Variants in ANKRD36C observed in about 807,000 individuals in gnomAD.
ANKRD36C encodes the protein ankyrin repeat domain-containing protein 36C.
ANKRD36C carries 61 observed loss-of-function variants against 276.4 expected under a neutral mutation model. That is an observed-to-expected ratio of 0.22 (90% CI 0.18 to 0.27). The LOEUF (loss-of-function observed/expected upper bound fraction) is 0.27. ANKRD36C is among the 10% of genes least tolerant of loss of function. The pLI, the probability that ANKRD36C is intolerant of heterozygous loss-of-function variation, is 1.00. For synonymous variants in ANKRD36C, 483 were observed against 680.1 expected (o/e 0.71, Z 4.51); for missense variants, 1,447 against 2,032.3 (o/e 0.71, Z 5.54).
intron 6 of ANKRD36C, among the ~76,000 whole-genome samples, chr2:95,975,935 AAAAC>A (rs1468076664): frequency 2.0e-5 from 3 of 152,206 alleles, no homozygotes; most frequent in South Asian, 2.1e-4. Context: ...TTACAAGAAA[AAAAC>A]AAACAACCCC....
chr2:95,952,672 A>G (rs1289887995), intron 14 of ANKRD36C, among the ~76,000 whole-genome samples: 22 of 2,372 alleles, frequency 9.3e-3, no homozygotes, highest in African/African-American at 0.017. Flanking sequence ...TCTCAACATA[A>G]CTCACCTCAA....
At chr2:95,903,191 G>A in intron 42 of ANKRD36C, 110 bp from the exon 53 acceptor site, 5 of 1,484,798 alleles carry the variant, frequency 3.4e-6, no homozygotes, top group Non-Finnish European at 4.6e-6. Context: ...TATTAGCGTA[G>A]GCTTTGATGG....
At chr2:95,901,273 C>T (rs1380599768) in intron 42 of ANKRD36C, 67 bp from the exon 55 acceptor site, 4 of 150,046 alleles carry the variant, frequency 2.7e-5, no homozygotes, top group South Asian at 1.4e-4. Context: ...TACATTCACA[C>T]GGTGTTAGCA....
intron 36 of ANKRD36C, among the ~76,000 whole-genome samples, chr2:95,916,849 A>G (rs1677112710): frequency 6.6e-6 from 1 of 151,690 alleles, no homozygotes; most frequent in East Asian, 2.0e-4. Flanking sequence ...ATAATATTTT[A>G]GACTCGATAA....
intron 34 of ANKRD36C, among the ~76,000 whole-genome samples, chr2:95,918,420 C>T (rs537999526): frequency 6.6e-6 from 1 of 151,626 alleles, no homozygotes; most frequent in East Asian, 2.0e-4. Flanking sequence ...GTCTTTCATG[C>T]AGGAAATCAA....
intron 12 of ANKRD36C, among the ~76,000 whole-genome samples, chr2:95,957,029 A>C (rs1678343661): frequency 6.6e-6 from 1 of 151,992 alleles, no homozygotes; most frequent in Middle Eastern, 3.2e-3. Context: ...AAAAAAAATC[A>C]TGTAGGCAGG....
intron 34 of ANKRD36C, 117 bp downstream of exon 34, chr2:95,921,490 A>T (rs1677266288): frequency 7.2e-7 from 1 of 1,388,458 alleles, no homozygotes; most frequent in Non-Finnish European, 9.8e-7. Flanking sequence ...GGCCTACTGA[A>T]TCAGAATGTG....
chr2:95,902,832 G>T, intron 42 of ANKRD36C, 54 bp downstream of exon 54: 2 of 1,508,076 alleles, frequency 1.3e-6, no homozygotes, highest in East Asian at 2.5e-5. Flanking sequence ...TCACGGAAGA[G>T]AATTTCTTAT....
At chr2:95,897,999 A>C (rs531348192) in intron 44 of ANKRD36C, among the ~76,000 whole-genome samples, 3 of 147,640 alleles carry the variant, frequency 2.0e-5, no homozygotes, top group Admixed American at 2.0e-4. Flanking sequence ...ATCACCTTGG[A>C]TATCTGTTTG....
intron 42 of ANKRD36C, among the ~76,000 whole-genome samples, 183 bp from the exon 47 acceptor site, chr2:95,908,880 C>A (rs1435522570): frequency 6.6e-6 from 1 of 151,288 alleles, no homozygotes; most frequent in African/African-American, 2.4e-5. Flanking sequence ...GGAATACAGG[C>A]TCCACGAAAT....
At chr2:95,859,979 T>G in exon 61 of ANKRD36C, 1 of 1,549,466 alleles carries the variant, frequency 6.5e-7, no homozygotes, top group Non-Finnish European at 8.7e-7. Context: ...AGTTTTCGAA[T>G]TTTTACTCTA....
chr2:95,981,370 A>T (rs1164977111), intron 4 of ANKRD36C, among the ~76,000 whole-genome samples: 1 of 148,160 alleles, frequency 6.7e-6, no homozygotes, highest in African/African-American at 2.5e-5. Context: ...TATTATATAT[A>T]ATCTATAAAA....
intron 17 of ANKRD36C, among the ~76,000 whole-genome samples, chr2:95,947,767 T>C (rs201162231): frequency 2.6e-5 from 4 of 152,142 alleles, no homozygotes; most frequent in African/African-American, 9.6e-5. Context: ...GAAAACACAG[T>C]GTAAGCCCTC....
At chr2:95,890,473 C>T (rs915840937) in intron 46 of ANKRD36C, among the ~76,000 whole-genome samples, 2 of 151,472 alleles carry the variant, frequency 1.3e-5, no homozygotes, top group African/African-American at 2.4e-5. Flanking sequence ...TTCAGTTGAA[C>T]GTACACTTCA....
At chr2:95,963,901 ACTT>A (rs1433673957) in intron 6 of ANKRD36C, among the ~76,000 whole-genome samples, 88 of 127,740 alleles carry the variant, frequency 6.9e-4, no homozygotes, top group Non-Finnish European at 7.0e-4. Context: ...ATCACAAGAG[ACTT>A]CTTTTCTTAT....
chr2:95,959,230 A>G (rs1678400853), intron 10 of ANKRD36C, among the ~76,000 whole-genome samples: 1 of 151,984 alleles, frequency 6.6e-6, no homozygotes, highest in South Asian at 2.1e-4. Flanking sequence ...AACTTGCCTG[A>G]CAATTGAGCA....
chr2:95,910,555 T>A lies in ANKRD36C; in HGVS notation c.2653+1689A>T. On this transcript the variant is annotated intron_variant, in intron 42 of 66. Coordinates refer to ENST00000456556, the Ensembl canonical transcript of ANKRD36C. The stretch of plus-strand genomic sequence containing the variant: ...GTTTCATTACCTTCAAGGCTGGTGG[T>A]TTCTGAGAAGACACTGAAAAGCAAA... 4.4e-6 allele frequency: 7 copies of A among 1,606,550 alleles called. No individual in the cohort carries two copies. In the South Asian group the frequency reaches 7.7e-5, roughly 18 times the overall value.
At chr2:95,978,708 A>G (rs1337461578) in intron 5 of ANKRD36C, among the ~76,000 whole-genome samples, 1 of 152,056 alleles carries the variant, frequency 6.6e-6, no homozygotes, top group East Asian at 1.9e-4. Flanking sequence ...TAATATTCAA[A>G]TGCTTCAGTT....
At chr2:95,943,944 C>T (rs200434386) in intron 19 of ANKRD36C, among the ~76,000 whole-genome samples, 1 of 135,546 alleles carries the variant, frequency 7.4e-6, no homozygotes, top group Non-Finnish European at 1.6e-5. Context: ...ATTACCTTAA[C>T]TATGTATGTT....
Sources: allele counts gnomAD v4.1 joint callset (sites outside exome capture counted in the v4.1 genomes callset), GRCh38; gene constraint gnomAD v4.1.1; transcripts MANE v1.5; gene names NCBI Gene and HGNC (gene_info 2026-07-23, HGNC 2026-07-21).